OSBPL5: variants seen among roughly 807,000 people sequenced by gnomAD.
The protein encoded by OSBPL5 is oxysterol-binding protein-related protein 5.
A neutral mutation model predicts 111.2 loss-of-function variants in OSBPL5; 71 were observed. The observed-to-expected ratio is 0.64, with a 90% confidence interval of 0.53 to 0.78. The LOEUF (loss-of-function observed/expected upper bound fraction) is 0.78, where lower values mean the gene tolerates loss of function less well. OSBPL5 is among the 30% of genes least tolerant of loss of function. OSBPL5 has a pLI of 0.00. For synonymous variants in OSBPL5, 549 were observed against 513.9 expected (o/e 1.07, Z -0.93); for missense variants, 1,210 against 1,189.3 (o/e 1.02, Z -0.26).
intron 20 of OSBPL5, 28 bp from the exon 21 acceptor site, chr11:3,089,976 A>G: frequency 6.8e-7 from 1 of 1,479,440 alleles, no homozygotes; most frequent in African/African-American, 1.4e-5. Flanking sequence ...GAGACAAAGG[A>G]GGGGAGGGGA....
intron 1 of OSBPL5, among the ~76,000 whole-genome samples, chr11:3,148,610 C>A (rs986955766): frequency 6.6e-6 from 1 of 152,326 alleles, no homozygotes; most frequent in East Asian, 1.9e-4. Context: ...CACTTTTGTA[C>A]ATCTTTGACA....
intron 13 of OSBPL5, among the ~76,000 whole-genome samples, chr11:3,100,650 G>C (rs527524282): frequency 5.3e-5 from 8 of 152,306 alleles, no homozygotes; most frequent in African/African-American, 1.9e-4. Context: ...GGAGAGGACA[G>C]AGTTGGGAAA....
At chr11:3,119,922 C>A (rs2134453453) in intron 6 of OSBPL5, 1 of 478,844 alleles carries the variant, frequency 2.1e-6, no homozygotes. Context: ...TCCAGGATGC[C>A]CAATGATGTT....
At position 3,103,762 on chromosome 11, in the gene OSBPL5, CA is replaced by C. The variant is rs1564829919; in HGVS notation, c.1244+430del. 4.1e-3 allele frequency among the ~76,000 whole-genome samples: 126 copies of C among 30,694 alleles called. 4 individuals are homozygous for C. Among genetic ancestry groups the C allele is most frequent in the East Asian group, 0.023 (20 of 868 alleles). The allele number at this position is 30,694 out of a possible 152,430, so 20.1% of individuals were successfully genotyped here. The stretch of plus-strand genomic sequence containing the variant: ...CCTCTGCAACCCTCTTCCAGCTCTG[CA>C]GCCCCCTTCCAGCCTCTGCAGTCCC... On this transcript the variant is annotated intron_variant, in intron 10 of 21. Transcript: ENST00000263650.
rs1195961309 is a variant in OSBPL5, at chr11:3,140,140, C to T, written c.-21-10971G>A. ...GCAGAGGAGAACCCGGCCAAGGTCC[C>T]CCAAATTGCAGCCACCATCTCGGGC... is the stretch of plus-strand genomic sequence containing the variant. On this transcript the variant is annotated intron_variant, in intron 1 of 21. Coordinates refer to ENST00000263650, the MANE Select transcript of OSBPL5 (RefSeq NM_020896.4). This position sits in a 1 kb window ranked among gnomAD's most constrained non-coding sequence, Gnocchi z 4.5. 6.6e-6 allele frequency among the ~76,000 whole-genome samples: 1 copy of T among 152,224 alleles called. No homozygotes were observed. The highest frequency in any genetic ancestry group is 1.5e-5 in the Non-Finnish European group (1 of 68,028).
At chr11:3,138,885 C>G (rs1846026384) in intron 1 of OSBPL5, among the ~76,000 whole-genome samples, 1 of 152,246 alleles carries the variant, frequency 6.6e-6, no homozygotes, top group Non-Finnish European at 1.5e-5. Context: ...TGCTCATCCT[C>G]CTAATTCCAG....
Position 3,104,121 on chromosome 11 carries a change from G to A in OSBPL5, c.1244+72C>T, listed in dbSNP as rs1238824754. 32 of 1,496,818 alleles carry A rather than the reference G, an allele frequency of 2.1e-5. No homozygotes were observed. In the Admixed American group the frequency reaches 3.5e-4, roughly 17 times the overall value. The allele number at this position is 1,496,818 out of a possible 1,614,324, so 92.7% of individuals were successfully genotyped here. A position where few individuals can be genotyped will look rare whatever the true frequency, so the allele number is the denominator to read the frequency against. ...GGAAGCCCCCACAGGGCAGGTAGGG[G>A]CTGGGGGTGCTGCAGGGTCTCATGC... On this transcript the variant is annotated intron_variant, in intron 10 of 21. Transcript: ENST00000263650. The surrounding 1 kb of genome is among the most constrained non-coding windows in gnomAD (Gnocchi z 5.0).
chr11:3,130,912 C>T lies in OSBPL5; in HGVS notation c.-21-1743G>A, dbSNP rs2134480396. On this transcript the variant is annotated intron_variant, in intron 1 of 21. Transcript: ENST00000263650. This position sits in a 1 kb window ranked among gnomAD's most constrained non-coding sequence, Gnocchi z 4.5. ...TGAGCGGAGGCCGGGCTTACTCAGA[C>T]AGCTGAGATTTTCTGAGCACCCAGG... 6.6e-6 allele frequency among the ~76,000 whole-genome samples: 1 copy of T among 152,148 alleles called. No homozygotes were observed. The highest frequency in any genetic ancestry group is 2.1e-4 in the South Asian group (1 of 4,816).
At chr11:3,134,473 C>T (rs1845897002) in intron 1 of OSBPL5, among the ~76,000 whole-genome samples, 1 of 152,162 alleles carries the variant, frequency 6.6e-6, no homozygotes, top group Non-Finnish European at 1.5e-5. Context: ...GGCCCACTCC[C>T]CAGCCTGTGA....
chr11:3,150,640 G>A (rs147061626), intron 1 of OSBPL5, among the ~76,000 whole-genome samples: 237 of 152,312 alleles, frequency 1.6e-3, no homozygotes, highest in Admixed American at 4.1e-3. Context: ...GGGGGGAGCA[G>A]AACTCTTCCC....
In OSBPL5 at chr11:3,110,049, G is replaced by A. The variant is rs56194850; in HGVS notation, c.692-2104C>T. Among the ~76,000 whole-genome samples the A allele has an allele frequency of 6.4e-4, 97 of 152,216 alleles. No individual in the cohort carries two copies. In the East Asian group the frequency reaches 0.015, roughly 23 times the overall value. On this transcript the variant is annotated intron_variant, in intron 7 of 21. Transcript: ENST00000263650. The surrounding 1 kb of genome is among the most constrained non-coding windows in gnomAD (Gnocchi z 5.3). ...GCTGTGGGCTGCCCTGGCCATCCCC[G>A]GGCCTGCATGGGACCTGGCACATAG...
intron 1 of OSBPL5, among the ~76,000 whole-genome samples, chr11:3,157,192 G>A (rs575858465): frequency 1.2e-4 from 19 of 152,348 alleles, no homozygotes; most frequent in Non-Finnish European, 2.4e-4. Flanking sequence ...CACGGCCCAC[G>A]AGGGAGGAAA....
intron 21 of OSBPL5, among the ~76,000 whole-genome samples, chr11:3,089,113 C>T (rs1052573253): frequency 6.6e-6 from 1 of 152,242 alleles, no homozygotes; most frequent in Non-Finnish European, 1.5e-5. Context: ...TCTGCCCACA[C>T]AGCCTCACCA....
At chr11:3,148,568 C>T (rs1022878979) in intron 1 of OSBPL5, among the ~76,000 whole-genome samples, 1 of 152,228 alleles carries the variant, frequency 6.6e-6, no homozygotes, top group African/African-American at 2.4e-5. Context: ...GAACCGGCTT[C>T]CATGACGGCA....
At chr11:3,123,305 C>G (rs960068629) in intron 3 of OSBPL5, among the ~76,000 whole-genome samples, 1 of 152,194 alleles carries the variant, frequency 6.6e-6, no homozygotes, top group African/African-American at 2.4e-5. Flanking sequence ...CTGCTGCCTC[C>G]TTCCGCGTGG....
Position 3,092,681 on chromosome 11 carries a change from C to A in OSBPL5, c.2133-123G>T, listed in dbSNP as rs1277902752. On this transcript the variant is annotated intron_variant, in intron 18 of 21. Coordinates refer to ENST00000263650, the MANE Select transcript of OSBPL5 (RefSeq NM_020896.4). The surrounding 1 kb of genome is among the most constrained non-coding windows in gnomAD (Gnocchi z 5.4). Reference sequence around the variant, plus strand: ...CCTCCAGGAGAATGACCACTGCCCACACCCCATGGGCAGGGCCTGCAGTAA... The same window carrying A: ...CCTCCAGGAGAATGACCACTGCCCAAACCCCATGGGCAGGGCCTGCAGTAA... The A allele has an allele frequency of 5.1e-6, 7 of 1,365,038 alleles. No individual in the cohort carries two copies. The East Asian group carries it at 1.8e-4, about 35-fold the overall frequency. 84.6% of individuals were successfully genotyped at this position (1,365,038 alleles called of 1,614,324 possible).
intron 1 of OSBPL5, among the ~76,000 whole-genome samples, chr11:3,147,578 C>T (rs887185270): frequency 1.4e-4 from 22 of 152,226 alleles, no homozygotes; most frequent in African/African-American, 5.3e-4. Context: ...TTTGTGAACT[C>T]GAATCGAGGC....
rs1258620231 is a variant in OSBPL5, at chr11:3,121,460, G to A, written c.402+537C>T. Among the ~76,000 whole-genome samples the A allele has an allele frequency of 6.6e-6, 1 of 152,086 alleles. No individual in the cohort carries two copies. The highest frequency in any genetic ancestry group is 1.5e-5 in the Non-Finnish European group (1 of 68,018). ...TCATCATTTTGGTATGCGGGTAGAA[G>A]GAGCCTACATGGGCCTGGGCTCTGC... On this transcript the variant is annotated intron_variant, in intron 5 of 21. Transcript: ENST00000263650. The surrounding 1 kb of genome is among the most constrained non-coding windows in gnomAD (Gnocchi z 4.3).
chr11:3,125,478 G>A (rs1161266728), intron 3 of OSBPL5, among the ~76,000 whole-genome samples: 3 of 152,180 alleles, frequency 2.0e-5, no homozygotes, highest in Admixed American at 1.3e-4. Flanking sequence ...AACTGAAGCC[G>A]CAGTGAGATG....
Sources: allele counts gnomAD v4.1 joint callset (sites outside exome capture counted in the v4.1 genomes callset), GRCh38; gene constraint gnomAD v4.1.1; non-coding constraint Gnocchi (gnomAD v3.1); transcripts MANE v1.5; gene names NCBI Gene and HGNC (gene_info 2026-07-23, HGNC 2026-07-21).